The following CLCN5 variants were observed in gnomAD, a reference collection of about 807,000 sequenced individuals.
CLCN5 encodes H(+)/Cl(-) exchange transporter 5.
A neutral mutation model predicts 54.0 loss-of-function variants in CLCN5; 17 were observed. The ratio of observed to expected loss-of-function variants is 0.31; its 90% CI spans 0.22 to 0.47. The LOEUF (loss-of-function observed/expected upper bound fraction) is 0.47, where lower values mean the gene tolerates loss of function less well. Among genes scored for constraint, CLCN5 ranks in the 20% least tolerant of loss-of-function variants. The probability of loss-of-function intolerance (pLI) is 1.00; values close to 1 mark genes in which losing one functional copy is unlikely to be tolerated. For synonymous variants in CLCN5, 222 were observed against 233.0 expected (o/e 0.95, Z 0.43); for missense variants, 448 against 646.7 (o/e 0.69, Z 3.33).
At chrX:50,005,044 T>G (rs782526906) in intron 3 of CLCN5, among the ~76,000 whole-genome samples, 16 of 112,511 alleles carry the variant, frequency 1.4e-4, no homozygotes, top group South Asian at 3.7e-4. Context: ...ATATGTATCT[T>G]AAGTCCCTTT....
At chrX:49,928,692 G>A (rs782657980) in intron 3 of CLCN5, among the ~76,000 whole-genome samples, 2 of 111,667 alleles carry the variant, frequency 1.8e-5, no homozygotes, top group African/African-American at 6.5e-5. Context: ...TTGTGAGGCC[G>A]AGGCGGGCGG....
intron 7 of CLCN5, 133 bp from the exon 8 acceptor site, chrX:50,080,461 T>G: frequency 1.7e-6 from 1 of 592,245 alleles, no homozygotes; most frequent in East Asian, 3.6e-5. Flanking sequence ...GAAAGAAAAG[T>G]CTTGAACAAT....
At chrX:49,959,691 C>T (rs6520496) in intron 3 of CLCN5, among the ~76,000 whole-genome samples, 8,193 of 111,100 alleles carry the variant, frequency 0.074, 754 homozygotes, top group African/African-American at 0.26. Context: ...ATGTCTATTC[C>T]TTTCATTGGC....
At chrX:50,047,134 T>C (rs1932421249) in intron 4 of CLCN5, among the ~76,000 whole-genome samples, 1 of 111,826 alleles carries the variant, frequency 8.9e-6, no homozygotes, top group African/African-American at 3.3e-5. Flanking sequence ...TGTAAAAATA[T>C]GTCATAGTTT....
intron 3 of CLCN5, among the ~76,000 whole-genome samples, chrX:50,025,433 C>T (rs988274521): frequency 1.9e-5 from 2 of 104,130 alleles, no homozygotes; most frequent in African/African-American, 3.6e-5. Flanking sequence ...AGAAATCACC[C>T]GTCTTCTGCG....
chrX:49,928,513 C>T (rs1240096642), intron 3 of CLCN5, among the ~76,000 whole-genome samples: 2 of 111,988 alleles, frequency 1.8e-5, no homozygotes, highest in Non-Finnish European at 3.8e-5. Context: ...TTCTTATAAC[C>T]TGGGGTGGGA....
chrX:50,076,276 C>A (rs1240728273), intron 7 of CLCN5, among the ~76,000 whole-genome samples: 1 of 112,025 alleles, frequency 8.9e-6, no homozygotes, highest in Non-Finnish European at 1.9e-5. Flanking sequence ...TTTTTCTAAT[C>A]ATTTCAAAAG....
At chrX:49,960,637 A>C (rs1557174535) in intron 3 of CLCN5, among the ~76,000 whole-genome samples, 1 of 109,331 alleles carries the variant, frequency 9.1e-6, no homozygotes, top group Non-Finnish European at 1.9e-5. Context: ...TCATTCTTTT[A>C]ATATCATCTT....
intron 3 of CLCN5, among the ~76,000 whole-genome samples, chrX:50,001,931 C>T (rs1365986956): frequency 9.1e-6 from 1 of 110,102 alleles, no homozygotes; most frequent in Non-Finnish European, 1.9e-5. Flanking sequence ...CAGATCAACA[C>T]ACAGTTGATC....
In CLCN5 at chrX:50,032,913, A is replaced by G. The variant is rs369620311; in HGVS notation, c.17-9403A>G. Among the ~76,000 whole-genome samples the G allele has an allele frequency of 3.2e-4, 36 of 111,202 alleles. No homozygotes were observed. In the South Asian group the frequency reaches 4.5e-3, roughly 14 times the overall value. On this transcript the variant is annotated intron_variant, in intron 3 of 14. Coordinates refer to ENST00000376091, the MANE Select transcript of CLCN5 (RefSeq NM_001127898.4). ...AATTTTTGTATAAGGTGTAAGGAAG[A>G]GATCCAGTTTCAGCTTTCTACATAT... is the stretch of plus-strand genomic sequence containing the variant.
At chrX:50,004,307 A>C (rs183470880) in intron 3 of CLCN5, among the ~76,000 whole-genome samples, 1 of 112,023 alleles carries the variant, frequency 8.9e-6, no homozygotes, top group Non-Finnish European at 1.9e-5. Flanking sequence ...GTAGTGAACA[A>C]AATAAGTAAG....
intron 6 of CLCN5, among the ~76,000 whole-genome samples, chrX:50,073,407 T>C (rs189799538): frequency 3.6e-5 from 4 of 111,891 alleles, no homozygotes; most frequent in African/African-American, 1.3e-4. Flanking sequence ...TGGATTTGAA[T>C]CCAAGCCCCA....
chrX:50,030,670 A>G (rs1931653899), intron 3 of CLCN5, among the ~76,000 whole-genome samples: 1 of 112,350 alleles, frequency 8.9e-6, no homozygotes, highest in African/African-American at 3.2e-5. Flanking sequence ...ATGTCAAGAA[A>G]GAAATCCTCT....
intron 11 of CLCN5, among the ~76,000 whole-genome samples, chrX:50,087,127 C>G (rs1933918040): frequency 9.0e-6 from 1 of 111,568 alleles, no homozygotes; most frequent in Non-Finnish European, 1.9e-5. Flanking sequence ...AGAATGTTTG[C>G]TCCTTTTCTG....
chrX:50,077,635 T>A, intron 7 of CLCN5, among the ~76,000 whole-genome samples: 1 of 100,606 alleles, frequency 9.9e-6, no homozygotes, highest in Middle Eastern at 4.9e-3. Context: ...TGTGTGTGTG[T>A]GTGTGTGTGT....
intron 3 of CLCN5, among the ~76,000 whole-genome samples, chrX:50,038,392 T>C (rs1932085776): frequency 9.0e-6 from 1 of 111,536 alleles, no homozygotes; most frequent in Admixed American, 9.5e-5. Context: ...TATCAAGTGA[T>C]CAAATAAGTA....
chrX:50,073,886 A>C (rs1557191781), intron 6 of CLCN5, among the ~76,000 whole-genome samples: 1 of 111,865 alleles, frequency 8.9e-6, no homozygotes, highest in Non-Finnish European at 1.9e-5. Flanking sequence ...GGAGACAGAC[A>C]GGATTTGGTC....
At chrX:49,939,754 A>G (rs901210066) in intron 3 of CLCN5, among the ~76,000 whole-genome samples, 32 of 111,365 alleles carry the variant, frequency 2.9e-4, no homozygotes, top group Admixed American at 2.1e-3. Context: ...AAACCTGCAC[A>G]TTGTGCACAT....
intron 12 of CLCN5, among the ~76,000 whole-genome samples, chrX:50,089,888 A>G (rs977409004): frequency 2.1e-4 from 23 of 111,631 alleles, no homozygotes; most frequent in African/African-American, 7.5e-4. Flanking sequence ...CCCGTCTCAA[A>G]AAAAGAAAGA....
Sources: gnomAD v4.1 joint callset for allele counts (sites outside exome capture counted in the v4.1 genomes callset) on GRCh38, gnomAD v4.1.1 for gene constraint, MANE v1.5 for transcripts, NCBI Gene and HGNC (gene_info 2026-07-23, HGNC 2026-07-21) for gene names.